The following EXOC2 variants were observed in gnomAD, a reference collection of about 807,000 sequenced individuals.
The protein encoded by EXOC2 is SEC5-like 1.
Under a neutral mutation model 131.8 loss-of-function variants are expected in EXOC2, and 70 were observed. That is an observed-to-expected ratio of 0.53 (90% CI 0.44 to 0.65). The LOEUF is 0.65. EXOC2 is among the 30% of genes least tolerant of loss of function. EXOC2 has a pLI of 0.00. For synonymous variants in EXOC2, 411 were observed against 398.4 expected (o/e 1.03, Z -0.38); for missense variants, 923 against 1,108.6 (o/e 0.83, Z 2.38).
chr6:584,183 T>C (rs1022265112), intron 11 of EXOC2, among the ~76,000 whole-genome samples: 1 of 152,238 alleles, frequency 6.6e-6, no homozygotes, highest in Admixed American at 6.5e-5. Flanking sequence ...GAAAATTCAA[T>C]GAATCTGCTA....
chr6:675,439 G>A (rs1455067464), intron 1 of EXOC2, among the ~76,000 whole-genome samples: 2 of 152,200 alleles, frequency 1.3e-5, no homozygotes, highest in African/African-American at 2.4e-5. Flanking sequence ...ACATGCAGGA[G>A]TACATGAAGA....
At chr6:508,065 AG>A (rs1764660085) in intron 23 of EXOC2, among the ~76,000 whole-genome samples, 1 of 152,226 alleles carries the variant, frequency 6.6e-6, no homozygotes, top group South Asian at 2.1e-4. Context: ...CTAAAAAATG[AG>A]ATGTTACACA....
intron 1 of EXOC2, among the ~76,000 whole-genome samples, chr6:672,015 G>A (rs1763896824): frequency 6.6e-6 from 1 of 151,960 alleles, no homozygotes; most frequent in Admixed American, 6.6e-5. Context: ...CATTATTACG[G>A]CAAATATTTC....
At chr6:575,940 AAC>A (rs1758554374) in intron 12 of EXOC2, among the ~76,000 whole-genome samples, 1 of 152,240 alleles carries the variant, frequency 6.6e-6, no homozygotes, top group African/African-American at 2.4e-5. Flanking sequence ...AAGGAATACC[AAC>A]AGTTATGGAA....
chr6:675,145 C>A (rs1764051936), intron 1 of EXOC2, among the ~76,000 whole-genome samples: 1 of 152,158 alleles, frequency 6.6e-6, no homozygotes, highest in African/African-American at 2.4e-5. Flanking sequence ...GTGAGTAACA[C>A]AATTTTCAAC....
rs1765509675 is a variant in EXOC2, at chr6:522,275, T to G, written c.2380+10194A>C. The stretch of plus-strand genomic sequence containing the variant: ...AGGCCTCAGGCAGGTCCACGCGGAC[T>G]GCAGGACAGCGTGTGGGGGAGCATT... On this transcript the variant is annotated intron_variant, in intron 23 of 27. Transcript: ENST00000230449. Among the ~76,000 whole-genome samples, 4 of 150,694 alleles carry G rather than the reference T, an allele frequency of 2.7e-5. 1 individual carries two copies. In the South Asian group the frequency reaches 8.5e-4, roughly 32 times the overall value.
At chr6:675,349 T>A (rs1037278277) in intron 1 of EXOC2, among the ~76,000 whole-genome samples, 1 of 152,252 alleles carries the variant, frequency 6.6e-6, no homozygotes, top group Non-Finnish European at 1.5e-5. Context: ...TAGGGGGAAC[T>A]GGCCATGGTA....
intron 23 of EXOC2, chr6:525,180 T>C (rs1765677267): frequency 6.6e-6 from 1 of 152,244 alleles, no homozygotes; most frequent in Admixed American, 6.5e-5. Context: ...GTGGTAGTTC[T>C]AATTAAGAAA....
intron 1 of EXOC2, among the ~76,000 whole-genome samples, 170 bp from the exon 2 acceptor site, chr6:638,031 GT>G (rs1381609932): frequency 1.3e-5 from 2 of 152,236 alleles, no homozygotes; most frequent in East Asian, 3.9e-4. Context: ...TGAACATTAA[GT>G]TACTAAGGAC....
intron 26 of EXOC2, among the ~76,000 whole-genome samples, chr6:489,605 CTG>C (rs746991797): frequency 1.2e-4 from 19 of 152,274 alleles, no homozygotes; most frequent in South Asian, 6.2e-4. Context: ...AAAAAGAAAA[CTG>C]TGGGATGTTT....
intron 1 of EXOC2, among the ~76,000 whole-genome samples, chr6:665,096 AC>A (rs759062241): frequency 3.3e-5 from 5 of 152,200 alleles, no homozygotes; most frequent in African/African-American, 7.2e-5. Context: ...AAGAAAAAAA[AC>A]AATCACATCA....
At chr6:594,046 C>G (rs901079963) in intron 10 of EXOC2, among the ~76,000 whole-genome samples, 11 of 152,230 alleles carry the variant, frequency 7.2e-5, no homozygotes, top group African/African-American at 2.4e-4. Flanking sequence ...TCTCCTCCCC[C>G]TTGTGACCAC....
chr6:642,090 C>T (rs9392721), intron 1 of EXOC2, among the ~76,000 whole-genome samples: 107,636 of 151,906 alleles, frequency 0.71, 38,779 homozygotes, highest in Middle Eastern at 0.88. Flanking sequence ...TCACCTCTTA[C>T]GAACCTGCCA....
At chr6:576,635 G>T in intron 12 of EXOC2, 122 bp downstream of exon 12, 2 of 1,110,874 alleles carry the variant, frequency 1.8e-6, no homozygotes, top group Non-Finnish European at 2.5e-6. Flanking sequence ...CAAAAGCGAT[G>T]ATGGCTGATA....
chr6:674,552 T>C (rs969629543), intron 1 of EXOC2, among the ~76,000 whole-genome samples: 2 of 152,094 alleles, frequency 1.3e-5, no homozygotes, highest in Non-Finnish European at 2.9e-5. Flanking sequence ...CTGGGAGAAA[T>C]GAGTAAGCTA....
chr6:629,778 T>C, intron 4 of EXOC2, 57 bp downstream of exon 4: 1 of 1,597,656 alleles, frequency 6.3e-7, no homozygotes, highest in East Asian at 2.2e-5. Flanking sequence ...CCTGTAAGTA[T>C]ATAAAACTTT....
At chr6:499,430 A>AACACACACACAC (rs5873755) in intron 24 of EXOC2, among the ~76,000 whole-genome samples, 351 of 141,738 alleles carry the variant, frequency 2.5e-3, no homozygotes, top group Non-Finnish European at 3.9e-3. Flanking sequence ...CTCACAGTTA[A>AACACACACACAC]ACACACACAC....
chr6:630,625 A>G lies in EXOC2; in HGVS notation c.296-664T>C, dbSNP rs553780709. On this transcript the variant is annotated intron_variant, in intron 3 of 27. Coordinates refer to ENST00000230449, the MANE Select transcript of EXOC2 (RefSeq NM_018303.6). ...TTTTAAATGGTTCTTGAAAGCTCTC[A>G]AGAAATATCTTTTATTTTCTTTTCC... Among the ~76,000 whole-genome samples the G allele has an allele frequency of 2.6e-5, 4 of 152,352 alleles. No homozygotes were observed. The South Asian group carries it at 6.2e-4, about 24-fold the overall frequency.
In EXOC2 at chr6:564,894, C is replaced by G. The variant is rs1245562210; in HGVS notation, c.1479G>C (p.Lys493Asn). 1 of 1,612,696 alleles carries G rather than the reference C, an allele frequency of 6.2e-7. No individual in the cohort carries two copies. The highest frequency in any genetic ancestry group is 1.3e-5 in the African/African-American group (1 of 74,860). The change falls in exon 14 of 28, where the codon AAG becomes AAC. Residue 493 changes from lysine to asparagine, a missense_variant. By Grantham distance (94) the Lys-to-Asn change is moderately conservative. Coordinates refer to ENST00000230449, the MANE Select transcript of EXOC2 (RefSeq NM_018303.6). ...AATCATTTTGTCTTTGCCTTACATTCTTTGATCTTTCAATCTGGCCTGACT... is the reference window on the plus strand; with the variant it reads ...AATCATTTTGTCTTTGCCTTACATTGTTTGATCTTTCAATCTGGCCTGACT... ...AEKSGQIERS[K>N]NVRQRQNDFK...
Sources: allele counts gnomAD v4.1 joint callset (sites outside exome capture counted in the v4.1 genomes callset), GRCh38; gene constraint gnomAD v4.1.1; transcripts MANE v1.5; gene names NCBI Gene and HGNC (gene_info 2026-07-23, HGNC 2026-07-21).